The following PSMF1 variants were observed in gnomAD, a reference collection of about 807,000 sequenced individuals.
PSMF1 encodes proteasome inhibitor PI31 subunit.
Under a neutral mutation model 29.3 loss-of-function variants are expected in PSMF1, and 30 were observed. The ratio of observed to expected loss-of-function variants is 1.02; its 90% confidence interval spans 0.77 to 1.39. The LOEUF (loss-of-function observed/expected upper bound fraction) is 1.39. Ranked by LOEUF, PSMF1 falls within the 40% of genes most tolerant of loss-of-function variation. The probability of loss-of-function intolerance (pLI) is 0.00; values close to 1 mark genes in which losing one functional copy is unlikely to be tolerated. For missense variants in PSMF1, 344 were observed against 357.5 expected (o/e 0.96, Z 0.31); for synonymous variants, 134 against 139.7 (o/e 0.96, Z 0.29).
chr20:1,165,799 A>G lies in PSMF1; in HGVS notation c.*719A>G, dbSNP rs894879976. On this transcript the variant is annotated 3_prime_UTR_variant, in exon 7 of 7. Transcript: ENST00000335877. ...CTGTCTGGGCCAGTTTTGTAGGTCC[A>G]TCTGTGCATGGGCAGCAGTAGTCAA... The G allele has an allele frequency of 4.7e-5, 49 of 1,037,134 alleles. No individual in the cohort carries two copies. The highest frequency in any genetic ancestry group is 5.6e-5 in the Non-Finnish European group (48 of 860,618). The allele number at this position is 1,037,134 out of a possible 1,614,324, so 64.2% of individuals were successfully genotyped here.
intron 1 of PSMF1, among the ~76,000 whole-genome samples, chr20:1,121,174 A>G (rs2086082548): frequency 6.6e-6 from 1 of 151,740 alleles, no homozygotes; most frequent in South Asian, 2.1e-4. Flanking sequence ...CCCAAGGTCC[A>G]TCTAATTTTT....
intron 2 of PSMF1, 149 bp downstream of exon 2, chr20:1,125,799 A>G: frequency 1.8e-6 from 2 of 1,087,934 alleles, no homozygotes; most frequent in Non-Finnish European, 2.7e-6. Context: ...TTAAGGTGAG[A>G]ACCCTAAGTA....
Position 1,163,078 on chromosome 20 carries a change from C to A in PSMF1, c.552-52C>A. On this transcript the variant is annotated intron_variant, in intron 4 of 6. Coordinates refer to ENST00000335877, the MANE Select transcript of PSMF1 (RefSeq NM_006814.5). This position sits in a 1 kb window ranked among gnomAD's most constrained non-coding sequence, Gnocchi z 6.1. ...AGTGTGTTTGTGATCCCACATGTAT[C>A]AGGTGCCTGGCTGCTCTGGGACTTG... is the stretch of plus-strand genomic sequence containing the variant. 1 of 1,594,516 alleles carries A rather than the reference C, an allele frequency of 6.3e-7. No homozygotes were observed. The highest frequency in any genetic ancestry group is 1.1e-5 in the South Asian group (1 of 90,092).
chr20:1,134,996 A>G, intron 3 of PSMF1, 125 bp from the exon 4 acceptor site: 1 of 934,430 alleles, frequency 1.1e-6, no homozygotes, highest in Non-Finnish European at 1.7e-6. Flanking sequence ...CCCCACTTAT[A>G]AACAGGCCAA....
chr20:1,115,538 C>T (rs186557872), upstream of PSMF1, among the ~76,000 whole-genome samples: 159 of 152,348 alleles, frequency 1.0e-3, no homozygotes, highest in Non-Finnish European at 4.0e-4. Context: ...ATAGCTCTCA[C>T]TGTCCCATGC....
At chr20:1,151,870 G>A (rs1369183070) in intron 4 of PSMF1, among the ~76,000 whole-genome samples, 1 of 152,192 alleles carries the variant, frequency 6.6e-6, no homozygotes, top group Non-Finnish European at 1.5e-5. Context: ...GGAACGATGG[G>A]TACCAGTGGG....
Position 1,169,425 on chromosome 20 carries a change from T to C in PSMF1, c.*4345T>C, listed in dbSNP as rs2086767932. ...ACGTGAGGCTGATGGTGCAGTGCAA[T>C]AGAGGTCACTGGATGCCCATTTGAA... On this transcript the variant is annotated 3_prime_UTR_variant, in exon 7 of 7. Transcript: ENST00000335877. 6.6e-6 allele frequency among the ~76,000 whole-genome samples: 1 copy of C among 152,130 alleles called. No individual in the cohort carries two copies. The highest frequency in any genetic ancestry group is 1.5e-5 in the Non-Finnish European group (1 of 68,026).
intron 3 of PSMF1, 55 bp downstream of exon 3, chr20:1,127,563 G>C (rs1259742064): frequency 7.8e-6 from 11 of 1,407,116 alleles, no homozygotes; most frequent in African/African-American, 1.4e-5. Context: ...CTAATGGCAA[G>C]ATATGAGGAA....
At chr20:1,154,879 A>T (rs898228821) in intron 4 of PSMF1, among the ~76,000 whole-genome samples, 5 of 152,228 alleles carry the variant, frequency 3.3e-5, no homozygotes, top group African/African-American at 7.2e-5. Context: ...GACAGTGTTC[A>T]CACCCAGTGA....
chr20:1,119,782 T>C (rs778577120), intron 1 of PSMF1, among the ~76,000 whole-genome samples: 9 of 152,190 alleles, frequency 5.9e-5, no homozygotes, highest in Non-Finnish European at 1.5e-5. Flanking sequence ...ATCCTAGACA[T>C]CTGCTTCCTG....
chr20:1,144,916 G>A (rs533860124), intron 4 of PSMF1, among the ~76,000 whole-genome samples: 1 of 151,762 alleles, frequency 6.6e-6, no homozygotes, highest in South Asian at 2.1e-4. Flanking sequence ...TTTCTTTTTA[G>A]ACAGAGTCAC....
In PSMF1 at chr20:1,170,138, C is replaced by T. The variant is rs2086775640; in HGVS notation, c.*5058C>T. 1.3e-5 allele frequency among the ~76,000 whole-genome samples: 2 copies of T among 152,174 alleles called. No homozygotes were observed. Among genetic ancestry groups the T allele is most frequent in the African/African-American group, 4.8e-5 (2 of 41,432 alleles). ...AAGACCTACCTCCTTGTTACTCAGA[C>T]CACCAGCAACAGCAGCATCACCTGG... is the stretch of plus-strand genomic sequence containing the variant. On this transcript the variant is annotated 3_prime_UTR_variant, in exon 7 of 7. Coordinates refer to ENST00000335877, the MANE Select transcript of PSMF1 (RefSeq NM_006814.5).
intron 4 of PSMF1, among the ~76,000 whole-genome samples, chr20:1,135,771 C>G (rs1248484350): frequency 6.6e-6 from 1 of 152,216 alleles, no homozygotes; most frequent in Non-Finnish European, 1.5e-5. Flanking sequence ...GTCCCCCAAT[C>G]TCACTATCAA....
intron 4 of PSMF1, among the ~76,000 whole-genome samples, chr20:1,148,004 C>A (rs1264232957): frequency 1.3e-5 from 2 of 152,222 alleles, no homozygotes; most frequent in Admixed American, 6.5e-5. Flanking sequence ...TCCCATAGGA[C>A]ACAGTCCAGT....
chr20:1,133,569 A>ATATATATATTTT, intron 3 of PSMF1, among the ~76,000 whole-genome samples: 3 of 53,286 alleles, frequency 5.6e-5, no homozygotes, highest in Non-Finnish European at 1.4e-4. Context: ...ATATATATAT[A>ATATATATATTTT]TTTTTTTTTT....
At position 1,170,384 on chromosome 20, in the gene PSMF1, C is replaced by T. The variant is rs961279449; in HGVS notation, c.*5304C>T. On this transcript the variant is annotated 3_prime_UTR_variant, in exon 7 of 7. Coordinates refer to ENST00000335877, the MANE Select transcript of PSMF1 (RefSeq NM_006814.5). ...ATTAATGCATGCATGAACTCTGATTCGAAGTTTTCGTTGATTTTACCCCCA... is the reference window on the plus strand; with the variant it reads ...ATTAATGCATGCATGAACTCTGATTTGAAGTTTTCGTTGATTTTACCCCCA... Among the ~76,000 whole-genome samples the T allele has an allele frequency of 2.6e-5, 4 of 152,186 alleles. No homozygotes were observed. The highest frequency in any genetic ancestry group is 1.9e-4 in the East Asian group (1 of 5,200).
At chr20:1,124,254 T>A (rs951390278) in intron 1 of PSMF1, among the ~76,000 whole-genome samples, 1 of 152,190 alleles carries the variant, frequency 6.6e-6, no homozygotes, top group Non-Finnish European at 1.5e-5. Context: ...AGAAATAATT[T>A]GAGAACTATT....
intron 4 of PSMF1, among the ~76,000 whole-genome samples, chr20:1,142,966 C>T (rs980608350): frequency 7.2e-5 from 11 of 152,120 alleles, no homozygotes; most frequent in Admixed American, 6.5e-4. Context: ...GATTTTTATA[C>T]TGAAAACTAC....
In PSMF1 at chr20:1,133,570, T is replaced by TATATA. The variant is rs1555760108; in HGVS notation, c.366-1551_366-1550insATATA. On this transcript the variant is annotated intron_variant, in intron 3 of 6. Transcript: ENST00000335877. ...CTATATATGTGTATATATATATATATTTTTTTTTTTTTTTTGGTGTAGTCT... is the reference window on the plus strand; with the variant it reads ...CTATATATGTGTATATATATATATATATATATTTTTTTTTTTTTTTGGTGTAGTCT... 3.3e-4 allele frequency among the ~76,000 whole-genome samples: 21 copies of TATATA among 63,148 alleles called. 1 individual carries two copies. Among genetic ancestry groups the TATATA allele is most frequent in the African/African-American group, 1.1e-3 (21 of 18,658 alleles). 41.4% of individuals were successfully genotyped at this position (63,148 alleles called of 152,430 possible).
Sources: allele counts gnomAD v4.1 joint callset (sites outside exome capture counted in the v4.1 genomes callset), GRCh38; gene constraint gnomAD v4.1.1; non-coding constraint Gnocchi (gnomAD v3.1); transcripts MANE v1.5; gene names NCBI Gene and HGNC (gene_info 2026-07-23, HGNC 2026-07-21).